The following PRKN variants were observed in gnomAD, a reference collection of about 807,000 sequenced individuals.
PRKN encodes parkin RBR E3 ubiquitin protein ligase.
A neutral mutation model predicts 59.5 loss-of-function variants in PRKN; 56 were observed. The ratio of observed to expected loss-of-function variants is 0.94; its 90% CI spans 0.76 to 1.18. The LOEUF is 1.18. Ranked by LOEUF, PRKN falls within the 50% of genes most tolerant of loss-of-function variation. The pLI is 0.00. For synonymous variants in PRKN, 250 were observed against 222.1 expected (o/e 1.13, Z -1.12); for missense variants, 657 against 596.4 (o/e 1.10, Z -1.06).
intron 9 of PRKN, among the ~76,000 whole-genome samples, chr6:161,505,316 A>G (rs1216673956): frequency 2.6e-5 from 4 of 151,688 alleles, no homozygotes; most frequent in Admixed American, 2.0e-4. Context: ...GGCTGCATAA[A>G]TGTCTTCTTT....
intron 3 of PRKN, among the ~76,000 whole-genome samples, chr6:162,219,294 G>A (rs1335447442): frequency 1.3e-5 from 2 of 152,170 alleles, no homozygotes; most frequent in Non-Finnish European, 2.9e-5. Flanking sequence ...TCAGAGATCT[G>A]TCAAACACTT....
intron 9 of PRKN, among the ~76,000 whole-genome samples, chr6:161,481,927 G>T (rs1791420123): frequency 6.7e-6 from 1 of 148,928 alleles, no homozygotes; most frequent in African/African-American, 2.5e-5. Flanking sequence ...GAGGGGGGAA[G>T]CCAAAAGAAA....
intron 1 of PRKN, among the ~76,000 whole-genome samples, chr6:162,460,171 G>T (rs1791085627): frequency 6.6e-6 from 1 of 152,122 alleles, no homozygotes; most frequent in African/African-American, 2.4e-5. Flanking sequence ...CCATACATTG[G>T]AATATTACTC....
chr6:161,354,404 C>A lies in PRKN; in HGVS notation c.1286-4193G>T, dbSNP rs9458232. 6.6e-6 allele frequency among the ~76,000 whole-genome samples: 1 copy of A among 152,114 alleles called. No individual in the cohort carries two copies. The highest frequency in any genetic ancestry group is 1.5e-5 in the Non-Finnish European group (1 of 68,030). ...TCAGCCTACGCCGGGCAGTCGACAT[C>A]GTGGCTCCGGCCAGCAATTCTTCCA... On this transcript the variant is annotated intron_variant, in intron 11 of 11. Coordinates refer to ENST00000366898, the MANE Select transcript of PRKN (RefSeq NM_004562.3). This position sits in a 1 kb window ranked among gnomAD's most constrained non-coding sequence, Gnocchi z 6.7.
At chr6:161,746,752 T>C (rs1208403869) in intron 7 of PRKN, among the ~76,000 whole-genome samples, 3 of 146,310 alleles carry the variant, frequency 2.1e-5, no homozygotes, top group African/African-American at 7.7e-5. Context: ...GATATGCACA[T>C]ATATATCTAT....
At chr6:162,282,643 TTGG>T (rs778470034) in intron 2 of PRKN, among the ~76,000 whole-genome samples, 9 of 152,306 alleles carry the variant, frequency 5.9e-5, no homozygotes, top group South Asian at 2.1e-4. Context: ...ATACATACAA[TTGG>T]TAAACATTTG....
At chr6:161,710,044 T>C (rs1221231299) in intron 7 of PRKN, among the ~76,000 whole-genome samples, 1 of 152,088 alleles carries the variant, frequency 6.6e-6, no homozygotes, top group Non-Finnish European at 1.5e-5. Context: ...TGATTAAGTG[T>C]AACTCAGCTC....
chr6:161,533,338 A>G lies in PRKN; in HGVS notation c.1083+15516T>C, dbSNP rs1418875392. Among the ~76,000 whole-genome samples, 2 of 152,164 alleles carry G rather than the reference A, an allele frequency of 1.3e-5. No individual in the cohort carries two copies. Among genetic ancestry groups the G allele is most frequent in the African/African-American group, 4.8e-5 (2 of 41,436 alleles). On this transcript the variant is annotated intron_variant, in intron 9 of 11. Coordinates refer to ENST00000366898, the MANE Select transcript of PRKN (RefSeq NM_004562.3). The surrounding 1 kb of genome is among the most constrained non-coding windows in gnomAD (Gnocchi z 4.1). ...CTTCTTAATGAAAAGCAGCCCCCAA[A>G]TCATTTTCTTTTCCAACAAAGAGCA...
At position 161,401,445 on chromosome 6, in the gene PRKN, T is replaced by C. The variant is rs1372343273; in HGVS notation, c.1084-14568A>G. Among the ~76,000 whole-genome samples, 3 of 152,086 alleles carry C rather than the reference T, an allele frequency of 2.0e-5. No homozygotes were observed. The highest frequency in any genetic ancestry group is 2.0e-4 in the Admixed American group (3 of 15,270). ...GGCCAACATGGTGAAACCGCATCTCTACTAAAAATACAAAAACGTTAGCTG... is the reference window on the plus strand; with the variant it reads ...GGCCAACATGGTGAAACCGCATCTCCACTAAAAATACAAAAACGTTAGCTG... On this transcript the variant is annotated intron_variant, in intron 9 of 11. Transcript: ENST00000366898. This position sits in a 1 kb window ranked among gnomAD's most constrained non-coding sequence, Gnocchi z 4.4.
intron 2 of PRKN, among the ~76,000 whole-genome samples, chr6:162,401,368 G>GT (rs1224881775): frequency 6.6e-6 from 1 of 151,332 alleles, no homozygotes; most frequent in African/African-American, 2.4e-5. Flanking sequence ...TTCATTGTAA[G>GT]TTGAAAATAC....
At chr6:162,576,666 G>C (rs1343569906) in intron 1 of PRKN, among the ~76,000 whole-genome samples, 1 of 152,046 alleles carries the variant, frequency 6.6e-6, no homozygotes, top group African/African-American at 2.4e-5. Context: ...ACAAAAATTA[G>C]CTGGGCGTGG....
At chr6:161,617,744 GATTTGAA>G (rs1782749383) in intron 7 of PRKN, among the ~76,000 whole-genome samples, 1 of 152,212 alleles carries the variant, frequency 6.6e-6, no homozygotes, top group Non-Finnish European at 1.5e-5. Context: ...TTATACAATA[GATTTGAA>G]GGTACAAACA....
chr6:162,470,222 A>G (rs1375349206), intron 1 of PRKN, among the ~76,000 whole-genome samples: 1 of 152,198 alleles, frequency 6.6e-6, no homozygotes, highest in African/African-American at 2.4e-5. Context: ...TGTCCTTGAC[A>G]TTTTATGATA....
chr6:162,429,891 ATCC>A (rs1789425275), intron 2 of PRKN, among the ~76,000 whole-genome samples: 1 of 152,158 alleles, frequency 6.6e-6, no homozygotes, highest in African/African-American at 2.4e-5. Flanking sequence ...GACCCGGCTC[ATCC>A]TCTTCCCGGT....
rs190362121 is a variant in PRKN, at chr6:161,921,187, G to A, written c.734+52115C>T. ...TTTTAAACTTTTTGTTGAAAACTAA[G>A]ACACTGACACACACATTAGCCTAAC... On this transcript the variant is annotated intron_variant, in intron 6 of 11. Transcript: ENST00000366898. Among the ~76,000 whole-genome samples the A allele has an allele frequency of 6.5e-3, 985 of 151,974 alleles. 8 individuals carry two copies. Among genetic ancestry groups the A allele is most frequent in the Middle Eastern group, 0.017 (5 of 292 alleles).
At position 161,468,466 on chromosome 6, in the gene PRKN, C is replaced by T. The variant is rs1409889385; in HGVS notation, c.1083+80388G>A. Among the ~76,000 whole-genome samples the T allele has an allele frequency of 2.0e-5, 3 of 152,314 alleles. No homozygotes were observed. The highest frequency in any genetic ancestry group is 7.2e-5 in the African/African-American group (3 of 41,566). The stretch of plus-strand genomic sequence containing the variant: ...GTATCCTTTAAATGGCAAGGGGGTA[C>T]TTCAGCCTGACTCCATTTTTGCCTC... On this transcript the variant is annotated intron_variant, in intron 9 of 11. Transcript: ENST00000366898. The surrounding 1 kb of genome is among the most constrained non-coding windows in gnomAD (Gnocchi z 5.9).
At chr6:161,636,764 C>T (rs1783537482) in intron 7 of PRKN, among the ~76,000 whole-genome samples, 1 of 152,022 alleles carries the variant, frequency 6.6e-6, no homozygotes, top group Non-Finnish European at 1.5e-5. Context: ...CGAGATTAAA[C>T]AGGAGGCCCA....
intron 9 of PRKN, among the ~76,000 whole-genome samples, chr6:161,537,602 C>T (rs894535548): frequency 6.6e-5 from 10 of 152,168 alleles, no homozygotes; most frequent in Admixed American, 2.0e-4. Flanking sequence ...CAGGCACCCG[C>T]CACCATGCTC....
intron 7 of PRKN, among the ~76,000 whole-genome samples, chr6:161,714,102 C>T (rs1786868396): frequency 6.6e-6 from 1 of 152,188 alleles, no homozygotes; most frequent in African/African-American, 2.4e-5. Flanking sequence ...ACGACGGATA[C>T]ACACGGTGAT....
Sources: allele counts gnomAD v4.1 joint callset (sites outside exome capture counted in the v4.1 genomes callset), GRCh38; gene constraint gnomAD v4.1.1; non-coding constraint Gnocchi (gnomAD v3.1); transcripts MANE v1.5; gene names NCBI Gene and HGNC (gene_info 2026-07-23, HGNC 2026-07-21).